The following TIAM2 variants were observed in gnomAD, a reference collection of about 807,000 sequenced individuals.
The protein encoded by TIAM2 is rho guanine nucleotide exchange factor TIAM2.
In TIAM2, 80 loss-of-function variants were observed where a neutral mutation model predicts 152.9. The observed-to-expected ratio is 0.52, with a 90% CI of 0.44 to 0.63. The LOEUF (loss-of-function observed/expected upper bound fraction) is 0.63, where lower values mean the gene tolerates loss of function less well. Among genes scored for constraint, TIAM2 ranks in the 30% least tolerant of loss-of-function variants. The probability of loss-of-function intolerance (pLI) is 0.00; values close to 1 mark genes in which losing one functional copy is unlikely to be tolerated. For synonymous variants in TIAM2, 804 were observed against 838.0 expected, an observed-to-expected ratio of 0.96 and a Z score of 0.70; for missense variants, 1,965 against 2,120.1, an observed-to-expected ratio of 0.93 and a Z score of 1.44.
chr6:155,254,691 AT>A, intron 26 of TIAM2, 118 bp downstream of exon 26: 6 of 1,325,010 alleles, frequency 4.5e-6, no homozygotes, highest in Non-Finnish European at 6.2e-6. Flanking sequence ...AGGTACCTTT[AT>A]CTCCTTTTAA....
intron 15 of TIAM2, chr6:155,217,156 C>T (rs552839116): frequency 9.2e-5 from 117 of 1,278,624 alleles, no homozygotes; most frequent in Admixed American, 2.2e-4. Flanking sequence ...CATGCTTGCA[C>T]GGTTTCCTTT....
chr6:155,213,079 C>T lies in TIAM2; in HGVS notation c.3168+1772C>T, dbSNP rs1018658694. 1.3e-5 allele frequency among the ~76,000 whole-genome samples: 2 copies of T among 152,210 alleles called. No individual in the cohort carries two copies. Among genetic ancestry groups the T allele is most frequent in the African/African-American group, 2.4e-5 (1 of 41,456 alleles). The stretch of plus-strand genomic sequence containing the variant: ...CTCCCTGAAGGGCTGCAGCTCTTCT[C>T]TCCTCCTCTTTTCTCTCCTTGTCAC... On this transcript the variant is annotated intron_variant, in intron 15 of 26. Transcript: ENST00000682666. The surrounding 1 kb of genome is among the most constrained non-coding windows in gnomAD (Gnocchi z 4.2).
chr6:155,123,424 C>A (rs950551629), intron 2 of TIAM2, among the ~76,000 whole-genome samples: 3 of 152,144 alleles, frequency 2.0e-5, no homozygotes, highest in African/African-American at 7.2e-5. Context: ...GAATTGCTGT[C>A]ATTTGGTCCC....
chr6:155,058,083 C>CA (rs1198189468), intron 1 of TIAM2, among the ~76,000 whole-genome samples: 2 of 152,080 alleles, frequency 1.3e-5, no homozygotes. Context: ...CTGACATACC[C>CA]CTATCATTGT....
chr6:155,045,689 C>T (rs950522094), intron 1 of TIAM2, among the ~76,000 whole-genome samples: 47 of 152,122 alleles, frequency 3.1e-4, no homozygotes, highest in Admixed American at 3.0e-3. Context: ...AGCAGGCAGG[C>T]CCTCCTTGCC....
chr6:155,001,860 C>T (rs781498637), intron 1 of TIAM2, among the ~76,000 whole-genome samples: 1 of 152,126 alleles, frequency 6.6e-6, no homozygotes, highest in Non-Finnish European at 1.5e-5. Context: ...CTTCTTTTGT[C>T]AGTAGTTTGG....
chr6:155,048,108 A>G (rs897410228), intron 1 of TIAM2, among the ~76,000 whole-genome samples: 1 of 152,072 alleles, frequency 6.6e-6, no homozygotes, highest in Admixed American at 6.5e-5. Context: ...ATGTGCCACC[A>G]TAGCCACCTA....
At chr6:155,117,120 A>G (rs1779033590) in intron 2 of TIAM2, among the ~76,000 whole-genome samples, 1 of 151,554 alleles carries the variant, frequency 6.6e-6, no homozygotes, top group African/African-American at 2.4e-5. Context: ...AATAATTTCT[A>G]AAAGAAAAAT....
intron 9 of TIAM2, among the ~76,000 whole-genome samples, chr6:155,169,332 C>A (rs1780520710): frequency 6.6e-6 from 1 of 152,190 alleles, no homozygotes; most frequent in Non-Finnish European, 1.5e-5. Flanking sequence ...GGTTCAGAAT[C>A]TTTACATGAA....
At chr6:155,211,794 G>T (rs1781728834) in intron 15 of TIAM2, among the ~76,000 whole-genome samples, 1 of 151,438 alleles carries the variant, frequency 6.6e-6, no homozygotes. Context: ...TATTCACATT[G>T]GTTTGCAACC....
At chr6:155,251,922 T>A (rs1234163069) in intron 22 of TIAM2, 23 bp from the exon 23 acceptor site, 7 of 1,579,080 alleles carry the variant, frequency 4.4e-6, no homozygotes, top group South Asian at 2.3e-5. Context: ...ATAAAGACTT[T>A]CTTTCTCTTT....
At chr6:155,165,528 G>A in intron 9 of TIAM2, 119 bp downstream of exon 9, 1 of 1,377,678 alleles carries the variant, frequency 7.3e-7, no homozygotes, top group East Asian at 2.4e-5. Flanking sequence ...GGCGAGGTGG[G>A]GTGGCTCACG....
chr6:155,106,167 G>T (rs1778683935), intron 2 of TIAM2, among the ~76,000 whole-genome samples: 2 of 151,818 alleles, frequency 1.3e-5, no homozygotes, highest in Admixed American at 6.6e-5. Context: ...ACCACACCTG[G>T]CTAATTTTTG....
rs939610348 is a variant in TIAM2, at chr6:155,144,516, G to A, written c.1631-90G>A. On this transcript the variant is annotated intron_variant, in intron 5 of 26. Coordinates refer to ENST00000682666, the MANE Select transcript of TIAM2 (RefSeq NM_012454.4). ...TGTCACATGATTGTCTCACTCAGGT[G>A]TTTTTAAAAAAGTGTGTCACTTACC... The A allele has an allele frequency of 1.8e-5, 24 of 1,307,550 alleles. No individual in the cohort carries two copies. The African/African-American group carries it at 3.1e-4, about 17-fold the overall frequency. The allele number at this position is 1,307,550 out of a possible 1,614,324, so 81.0% of individuals were successfully genotyped here.
intron 2 of TIAM2, among the ~76,000 whole-genome samples, chr6:155,098,844 A>T (rs898069250): frequency 6.6e-6 from 1 of 152,178 alleles, no homozygotes; most frequent in Non-Finnish European, 1.5e-5. Context: ...TGGTCATTTG[A>T]TGATATTATT....
Position 155,183,277 on chromosome 6 carries a change from A to C in TIAM2, c.2841A>C (p.Glu947Asp), listed in dbSNP as rs200912258. 1.5e-5 allele frequency: 25 copies of C among 1,614,176 alleles called. 1 individual carries two copies. The East Asian group carries it at 5.1e-4, about 33-fold the overall frequency. The change falls in exon 14 of 27, where the codon GAA becomes GAC. Residue 947 changes from glutamate to aspartate, a missense_variant. Physicochemically the swap from Glu to Asp is conservative, Grantham distance 45. Transcript: ENST00000682666. Reference protein sequence around the residue: ...KGNEIMTLNGEAVSDLDLKQM... With the variant: ...KGNEIMTLNGDAVSDLDLKQM... ...ATGAGATCATGACCTTAAATGGGGA[A>C]GCTGTGTCTGATCTTGACCTTAAGC...
chr6:155,204,951 C>T (rs908040283), intron 14 of TIAM2, among the ~76,000 whole-genome samples: 6 of 152,052 alleles, frequency 3.9e-5, no homozygotes, highest in Admixed American at 2.6e-4. Context: ...TTGAACGCTG[C>T]GTCCTCATTG....
intron 1 of TIAM2, among the ~76,000 whole-genome samples, chr6:155,040,700 G>A (rs1777010077): frequency 6.6e-6 from 1 of 151,990 alleles, no homozygotes; most frequent in Non-Finnish European, 1.5e-5. Context: ...TGTATTTTCA[G>A]TAGAGATGGG....
intron 14 of TIAM2, among the ~76,000 whole-genome samples, chr6:155,204,195 T>C (rs913876876): frequency 3.3e-5 from 5 of 152,230 alleles, no homozygotes. Context: ...TGCAAATTAT[T>C]TTTTCCCCAC....
Sources: gnomAD v4.1 joint callset for allele counts (sites outside exome capture counted in the v4.1 genomes callset) on GRCh38, gnomAD v4.1.1 for gene constraint, Gnocchi (gnomAD v3.1) non-coding constraint, MANE v1.5 for transcripts, NCBI Gene and HGNC (gene_info 2026-07-23, HGNC 2026-07-21) for gene names.